PHF13: variants seen among roughly 807,000 people sequenced by gnomAD.
PHF13 encodes the protein PHD zinc finger protein PHF5.
PHF13 carries 1 observed loss-of-function variant against 25.8 expected under a neutral mutation model. That is an observed-to-expected ratio of 0.04 (90% confidence interval 0.01 to 0.18). The LOEUF (loss-of-function observed/expected upper bound fraction) is 0.18. Ranked by LOEUF, PHF13 falls within the 10% of genes least tolerant of loss-of-function variation. PHF13 has a pLI of 1.00. For missense variants in PHF13, 306 were observed against 403.2 expected, an observed-to-expected ratio of 0.76 and a Z score of 2.06; for synonymous variants, 195 against 162.4, an observed-to-expected ratio of 1.20 and a Z score of -1.53.
At position 6,614,123 on chromosome 1, in the gene PHF13, TC is replaced by T; in HGVS notation, c.39+20del. ...ACCCGGAGGTGAGTGAAGCTGTGCG[TC>T]CGAATCGCCCCCGACCACCCCCTCC... is the stretch of plus-strand genomic sequence containing the variant. On this transcript the variant is annotated intron_variant, in intron 1 of 3. Coordinates refer to ENST00000377648, the MANE Select transcript of PHF13 (RefSeq NM_153812.3). 6.3e-7 allele frequency: 1 copy of T among 1,594,372 alleles called. No individual in the cohort carries two copies. Among genetic ancestry groups the T allele is most frequent in the Non-Finnish European group, 8.5e-7 (1 of 1,172,172 alleles).
rs5772244 is a variant in PHF13, at chr1:6,616,025, AT to A, written c.40-711del. On this transcript the variant is annotated intron_variant, in intron 1 of 3. Transcript: ENST00000377648. Reference sequence around the variant, plus strand: ...GAGAGCTCTGGAGAATGAGTGGTTGATTTTTTTTTTTTTTTTTTTTTGAGTT... The same window carrying A: ...GAGAGCTCTGGAGAATGAGTGGTTGATTTTTTTTTTTTTTTTTTTTGAGTT... Among the ~76,000 whole-genome samples the A allele has an allele frequency of 1.6e-3, 149 of 91,762 alleles. 1 individual carries two copies. The highest frequency in any genetic ancestry group is 7.8e-3 in the East Asian group (24 of 3,092). The allele number at this position is 91,762 out of a possible 152,430, so 60.2% of individuals were successfully genotyped here. A position where few individuals can be genotyped will look rare whatever the true frequency, so the allele number is the denominator to read the frequency against.
At chr1:6,619,719 G>C (rs1404418125) in intron 2 of PHF13, 84 bp from the exon 3 acceptor site, 6 of 1,403,014 alleles carry the variant, frequency 4.3e-6, no homozygotes, top group South Asian at 2.7e-5. Flanking sequence ...CTGGAGGTCT[G>C]ACATGGCTGG....
intron 2 of PHF13, 47 bp downstream of exon 2, chr1:6,616,905 C>T: frequency 6.5e-7 from 1 of 1,536,340 alleles, no homozygotes. Flanking sequence ...TAGTCAAACC[C>T]AGTGCCTCCA....
At chr1:6,620,636 G>A (rs780348264) in intron 3 of PHF13, among the ~76,000 whole-genome samples, 3 of 152,158 alleles carry the variant, frequency 2.0e-5, no homozygotes, top group Non-Finnish European at 2.9e-5. Flanking sequence ...CAGTAATCCC[G>A]GCACTTTGGG....
chr1:6,617,911 T>C (rs1471122962), intron 2 of PHF13, among the ~76,000 whole-genome samples: 1 of 152,200 alleles, frequency 6.6e-6, no homozygotes, highest in Non-Finnish European at 1.5e-5. Context: ...GTGGTGGAGC[T>C]TGGGGTTCAA....
intron 2 of PHF13, 150 bp from the exon 3 acceptor site, chr1:6,619,653 T>G: frequency 1.2e-6 from 1 of 825,182 alleles, no homozygotes; most frequent in South Asian, 1.7e-5. Flanking sequence ...CTCATGTTAC[T>G]GTTGCTTCAA....
chr1:6,614,444 G>A (rs979248005), intron 1 of PHF13: 17 of 299,352 alleles, frequency 5.7e-5, no homozygotes, highest in African/African-American at 3.9e-4. Context: ...CCGCCGGCCT[G>A]CTTACTCTTT....
At chr1:6,618,163 C>G (rs532356096) in intron 2 of PHF13, among the ~76,000 whole-genome samples, 11 of 151,406 alleles carry the variant, frequency 7.3e-5, no homozygotes, top group Non-Finnish European at 1.5e-4. Context: ...TGCGACAGGT[C>G]TTGCTCTGTT....
intron 1 of PHF13, 36 bp downstream of exon 1, chr1:6,614,141 A>AC (rs1311551635): frequency 3.1e-6 from 4 of 1,290,610 alleles, no homozygotes; most frequent in Non-Finnish European, 4.0e-6. Context: ...GCCCCCGACC[A>AC]CCCCCTCCGC....
Position 6,613,742 on chromosome 1 carries a change from C to A in PHF13, c.-325C>A. On this transcript the variant is annotated 5_prime_UTR_variant, in exon 1 of 4. Coordinates refer to ENST00000377648, the MANE Select transcript of PHF13 (RefSeq NM_153812.3). ...CTCCCGGCTCTCCCGCCCTCCCTCC[C>A]GAGACACGAGCCGAACTGGGCGTCA... 2 of 233,432 alleles carry A rather than the reference C, an allele frequency of 8.6e-6. No homozygotes were observed. The highest frequency in any genetic ancestry group is 9.2e-5 in the South Asian group (2 of 21,686). The allele number at this position is 233,432 out of a possible 1,614,324, so 14.5% of individuals were successfully genotyped here. A position where few individuals can be genotyped will look rare whatever the true frequency, so the allele number is the denominator to read the frequency against.
rs867508358 is a variant in PHF13, at chr1:6,623,085, C to T, written c.*1448C>T. 10 of 152,236 alleles carry T rather than the reference C, an allele frequency of 6.6e-5. No homozygotes were observed. The highest frequency in any genetic ancestry group is 2.2e-4 in the African/African-American group (9 of 41,458). 9.4% of individuals were successfully genotyped at this position (152,236 alleles called of 1,614,324 possible). ...ATGTTTGTTTTCAGTGGGATGGGCC[C>T]GCGTTCTCACTGCTGGGGGCTTCCC... On this transcript the variant is annotated 3_prime_UTR_variant, in exon 4 of 4. Coordinates refer to ENST00000377648, the MANE Select transcript of PHF13 (RefSeq NM_153812.3).
In PHF13 at chr1:6,621,885, C is replaced by A. The variant is rs188722146; in HGVS notation, c.*248C>A. 1.8e-6 allele frequency: 1 copy of A among 555,684 alleles called. No individual in the cohort carries two copies. Among genetic ancestry groups the A allele is most frequent in the African/African-American group, 1.9e-5 (1 of 52,972 alleles). 34.4% of individuals were successfully genotyped at this position (555,684 alleles called of 1,614,324 possible). ...GCAGTGGAGGTGGACTGGACACCCA[C>A]GTGCAGCGGGTTTGGCTCATTTGAA... On this transcript the variant is annotated 3_prime_UTR_variant, in exon 4 of 4. Transcript: ENST00000377648. The surrounding 1 kb of genome is among the most constrained non-coding windows in gnomAD (Gnocchi z 4.8).
intron 2 of PHF13, among the ~76,000 whole-genome samples, chr1:6,617,847 G>A (rs760760102): frequency 2.0e-5 from 3 of 152,214 alleles, no homozygotes; most frequent in Non-Finnish European, 4.4e-5. Flanking sequence ...TTTATAAGCT[G>A]AGGAAACTAA....
intron 2 of PHF13, 125 bp from the exon 3 acceptor site, chr1:6,619,678 G>A: frequency 1.0e-6 from 1 of 985,650 alleles, no homozygotes; most frequent in South Asian, 1.6e-5. Flanking sequence ...GATGCTGATG[G>A]GCAGAGAAGC....
At chr1:6,615,088 C>G (rs1277048362) in intron 1 of PHF13, among the ~76,000 whole-genome samples, 4 of 64,202 alleles carry the variant, frequency 6.2e-5, no homozygotes, top group South Asian at 5.7e-4. Flanking sequence ...CGCGGGAGGG[C>G]GGGTGGGGGC....
At chr1:6,620,575 G>A (rs750087655) in intron 3 of PHF13, among the ~76,000 whole-genome samples, 1 of 152,194 alleles carries the variant, frequency 6.6e-6, no homozygotes, top group Non-Finnish European at 1.5e-5. Flanking sequence ...AAAGGGTATA[G>A]TTCTAAGTAA....
chr1:6,618,007 TG>T (rs1376851695), intron 2 of PHF13, among the ~76,000 whole-genome samples: 2 of 152,252 alleles, frequency 1.3e-5, no homozygotes, highest in East Asian at 3.8e-4. Context: ...CAGGGACTCA[TG>T]GCTGCAACTT....
At position 6,621,261 on chromosome 1, in the gene PHF13, C is replaced by T. The variant is rs190782313; in HGVS notation, c.677-150C>T. On this transcript the variant is annotated intron_variant, in intron 3 of 3. Transcript: ENST00000377648. This position sits in a 1 kb window ranked among gnomAD's most constrained non-coding sequence, Gnocchi z 4.8. ...ACCTGGTTCCCACACATTTTGGAGC[C>T]CCTCGTGCCTTTTCAGAGAGAAGTG... 1 of 776,200 alleles carries T rather than the reference C, an allele frequency of 1.3e-6. No individual in the cohort carries two copies. Among genetic ancestry groups the T allele is most frequent in the African/African-American group, 1.7e-5 (1 of 57,252 alleles). The allele number at this position is 776,200 out of a possible 1,614,324, so 48.1% of individuals were successfully genotyped here.
intron 2 of PHF13, among the ~76,000 whole-genome samples, chr1:6,619,530 G>T (rs1255747797): frequency 6.6e-6 from 1 of 152,050 alleles, no homozygotes; most frequent in African/African-American, 2.4e-5. Context: ...GTAGAGATGG[G>T]GTTTCACCAT....
Sources: gnomAD v4.1 joint callset for allele counts (sites outside exome capture counted in the v4.1 genomes callset) on GRCh38, gnomAD v4.1.1 for gene constraint, Gnocchi (gnomAD v3.1) non-coding constraint, MANE v1.5 for transcripts, NCBI Gene and HGNC (gene_info 2026-07-23, HGNC 2026-07-21) for gene names.